The following PLXND1 variants were observed in gnomAD, a reference collection of about 807,000 sequenced individuals.
PLXND1 encodes plexin-D1.
PLXND1 carries 54 observed loss-of-function variants against 197.7 expected under a neutral mutation model. The ratio of observed to expected loss-of-function variants is 0.27; its 90% CI spans 0.22 to 0.34. The LOEUF is 0.34. PLXND1 is among the 10% of genes least tolerant of loss of function. The probability of loss-of-function intolerance (pLI) is 1.00; values close to 1 mark genes in which losing one functional copy is unlikely to be tolerated. For synonymous variants in PLXND1, 1,180 were observed against 1,161.2 expected, an observed-to-expected ratio of 1.02 and a Z score of -0.33; for missense variants, 2,127 against 2,699.2, an observed-to-expected ratio of 0.79 and a Z score of 4.70.
chr3:129,556,114 T>G lies in PLXND1; in HGVS notation c.*198A>C. 1.8e-6 allele frequency: 1 copy of G among 568,668 alleles called. No individual in the cohort carries two copies. Among genetic ancestry groups the G allele is most frequent in the Middle Eastern group, 4.7e-4 (1 of 2,116 alleles). The allele number at this position is 568,668 out of a possible 1,614,324, so 35.2% of individuals were successfully genotyped here. A position where few individuals can be genotyped will look rare whatever the true frequency, so the allele number is the denominator to read the frequency against. ...TCCCAGAGACTGATCTGGGGACAGG[T>G]GGGAGGGGATGGAGGTGCCCAGGGG... On this transcript the variant is annotated 3_prime_UTR_variant, in exon 36 of 36. Transcript: ENST00000324093.
In PLXND1 at chr3:129,567,775, C is replaced by A; in HGVS notation, c.3896G>T (p.Arg1299Leu). ...CGTCTTCTGCCAGTAACGCTCAGCA[C>A]GTCGGCTCTTGGTACAGAAGACGAA... Reference protein sequence around the residue: ...ALFVFCTKSRRAERYWQKTLL... With the variant: ...ALFVFCTKSRLAERYWQKTLL... Residue 1299 changes from arginine (R) to leucine (L), a missense_variant, in exon 21 of 36, where the codon CGT (arginine) becomes CTT (leucine). By Grantham distance (102) the Arg-to-Leu change is moderately radical. This residue lies in a region of PLXND1 where 532 missense variants were observed against 811.0 expected (regional missense o/e 0.66). Coordinates refer to ENST00000324093, the MANE Select transcript of PLXND1 (RefSeq NM_015103.3). 1.2e-6 allele frequency: 2 copies of A among 1,613,248 alleles called. No homozygotes were observed. The highest frequency in any genetic ancestry group is 1.3e-5 in the African/African-American group (1 of 75,022).
intron 1 of PLXND1, among the ~76,000 whole-genome samples, chr3:129,590,604 A>G (rs1253027403): frequency 6.6e-6 from 1 of 152,194 alleles, no homozygotes; most frequent in Admixed American, 6.5e-5. Context: ...AAGTCACAGG[A>G]TGTCATGGGC....
intron 29 of PLXND1, chr3:129,561,187 C>T (rs2085053997): frequency 2.2e-6 from 1 of 461,550 alleles, no homozygotes; most frequent in Admixed American, 2.4e-5. Context: ...AGCCCAGATT[C>T]CCAGGCTGCT....
In PLXND1 at chr3:129,566,030, C is replaced by T. The variant is rs2085135035; in HGVS notation, c.4192-13G>A. ...AGCTCTCAGGAATCTGTGGAAGCAACTGGTGATGGGGTGTCCAGAGGGGCC... is the reference window on the plus strand; with the variant it reads ...AGCTCTCAGGAATCTGTGGAAGCAATTGGTGATGGGGTGTCCAGAGGGGCC... On this transcript the variant is annotated splice_polypyrimidine_tract_variant and intron_variant, in intron 23 of 35. Transcript: ENST00000324093. 1.2e-6 allele frequency: 2 copies of T among 1,613,916 alleles called. No homozygotes were observed. Among genetic ancestry groups the T allele is most frequent in the Non-Finnish European group, 8.5e-7 (1 of 1,179,942 alleles).
intron 12 of PLXND1, 134 bp from the exon 13 acceptor site, chr3:129,573,879 G>A: frequency 1.0e-6 from 1 of 993,960 alleles, no homozygotes; most frequent in Non-Finnish European, 1.5e-6. Context: ...GGAGGCTCAG[G>A]TGGGGCTGGG....
chr3:129,561,568 G>A (rs1333554240), intron 29 of PLXND1, 78 bp downstream of exon 29: 2 of 1,135,148 alleles, frequency 1.8e-6, no homozygotes, highest in Non-Finnish European at 2.6e-6. Context: ...CGGAGCCTCA[G>A]CTTCCCCACT....
chr3:129,557,437 C>G lies in PLXND1; in HGVS notation c.5446-214G>C, dbSNP rs1427547747. Among the ~76,000 whole-genome samples the G allele has an allele frequency of 6.6e-6, 1 of 152,018 alleles. No homozygotes were observed. The highest frequency in any genetic ancestry group is 1.5e-5 in the Non-Finnish European group (1 of 68,038). ...GCTCTGTCTGCCCCGCCTACTTTCC[C>G]CAGGACTGTTAGGACAATGATGTGG... On this transcript the variant is annotated intron_variant, in intron 33 of 35. Transcript: ENST00000324093. The surrounding 1 kb of genome is among the most constrained non-coding windows in gnomAD (Gnocchi z 4.8).
Position 129,578,358 on chromosome 3 carries a change from C to A in PLXND1, c.2317G>T (p.Val773Leu), listed in dbSNP as rs909641134. Residue 773 changes from valine (V) to leucine (L), a missense_variant, in exon 9 of 36, where the codon GTG becomes TTG. Physicochemically the swap from Val to Leu is conservative, Grantham distance 32. Coordinates refer to ENST00000324093, the MANE Select transcript of PLXND1 (RefSeq NM_015103.3). Reference sequence around the variant, plus strand: ...AAAAAGGCAGTGTTGGCCAGAGGCACCAGGATGTTCTGGGAGCCACCCGTA... The same window carrying A: ...AAAAAGGCAGTGTTGGCCAGAGGCAACAGGATGTTCTGGGAGCCACCCGTA... ...VPTGGSQNIL[V>L]PLANTAFFQG... 6.2e-7 allele frequency: 1 copy of A among 1,606,622 alleles called. No individual in the cohort carries two copies. The highest frequency in any genetic ancestry group is 1.7e-5 in the Admixed American group (1 of 58,828).
intron 1 of PLXND1, among the ~76,000 whole-genome samples, chr3:129,602,321 C>T (rs926296644): frequency 6.6e-6 from 1 of 152,152 alleles, no homozygotes; most frequent in African/African-American, 2.4e-5. Context: ...TCCCACTCTA[C>T]TCGCCTGGCC....
intron 23 of PLXND1, 139 bp downstream of exon 23, chr3:129,566,388 G>T (rs1038094070): frequency 8.9e-6 from 6 of 671,568 alleles, no homozygotes; most frequent in Non-Finnish European, 1.4e-5. Context: ...GGGATGGAGG[G>T]CTCAGTACCT....
chr3:129,561,103 G>A (rs1380675227), intron 29 of PLXND1: 8 of 474,382 alleles, frequency 1.7e-5, no homozygotes, highest in African/African-American at 5.9e-5. Context: ...ATGCAGCCAC[G>A]GGGGAGGAGG....
intron 8 of PLXND1, among the ~76,000 whole-genome samples, chr3:129,579,299 G>A (rs1389964250): frequency 1.3e-5 from 2 of 152,290 alleles, no homozygotes; most frequent in East Asian, 3.9e-4. Context: ...TCTTGACTCT[G>A]GGGTCCTCCG....
intron 3 of PLXND1, 130 bp downstream of exon 3, chr3:129,586,458 G>T: frequency 8.3e-7 from 1 of 1,201,466 alleles, no homozygotes; most frequent in Non-Finnish European, 1.2e-6. Context: ...GCAGGACAAG[G>T]TGGAGTTAGC....
At chr3:129,563,369 A>C in intron 25 of PLXND1, 129 bp from the exon 26 acceptor site, 1 of 700,224 alleles carries the variant, frequency 1.4e-6, no homozygotes, top group South Asian at 2.0e-5. Flanking sequence ...TGGTGTCAAC[A>C]CTCTCCTCTC....
chr3:129,598,814 A>C (rs2085664974), intron 1 of PLXND1, among the ~76,000 whole-genome samples: 1 of 152,106 alleles, frequency 6.6e-6, no homozygotes, highest in African/African-American at 2.4e-5. Context: ...GGAGCACCAC[A>C]GTCACACACC....
intron 1 of PLXND1, among the ~76,000 whole-genome samples, chr3:129,592,742 G>C (rs779705819): frequency 3.3e-5 from 5 of 152,110 alleles, no homozygotes; most frequent in Non-Finnish European, 5.9e-5. Flanking sequence ...TTTTTTTAAA[G>C]AAGTAAGCCG....
rs1342739415 is a variant in PLXND1, at chr3:129,577,344, A to G, written c.2346+985T>C. Reference sequence around the variant, plus strand: ...CAGCTGGGAAGAATCGGCAGGACTCAAGTCAGGCTCACACCTCCCCATCCC... The same window carrying G: ...CAGCTGGGAAGAATCGGCAGGACTCGAGTCAGGCTCACACCTCCCCATCCC... On this transcript the variant is annotated intron_variant, in intron 9 of 35. Coordinates refer to ENST00000324093, the MANE Select transcript of PLXND1 (RefSeq NM_015103.3). The surrounding 1 kb of genome is among the most constrained non-coding windows in gnomAD (Gnocchi z 5.0). 1.3e-5 allele frequency among the ~76,000 whole-genome samples: 2 copies of G among 152,260 alleles called. No individual in the cohort carries two copies. The highest frequency in any genetic ancestry group is 3.9e-4 in the East Asian group (2 of 5,170).
chr3:129,583,504 T>C (rs376188473), intron 8 of PLXND1, 63 bp downstream of exon 8: 4 of 1,034,788 alleles, frequency 3.9e-6, no homozygotes, highest in Admixed American at 2.1e-5. Flanking sequence ...ATTCTCAACA[T>C]GTGAATTTTT....
chr3:129,578,330 T>C lies in PLXND1; in HGVS notation c.2345A>G (p.Gln782Arg). 4 of 1,593,880 alleles carry C rather than the reference T, an allele frequency of 2.5e-6. No individual in the cohort carries two copies. Among genetic ancestry groups the C allele is most frequent in the Non-Finnish European group, 3.4e-6 (4 of 1,169,008 alleles). Residue 782 changes from glutamine to arginine, a missense_variant and splice_region_variant, in exon 9 of 36, where the codon CAG becomes CGG. Physicochemically the swap from Gln to Arg is conservative, Grantham distance 43. Around this residue, in one of 6 missense-constraint regions of PLXND1, gnomAD observed 1,095 missense variants for 1,259.8 expected, o/e 0.87. Coordinates refer to ENST00000324093, the MANE Select transcript of PLXND1 (RefSeq NM_015103.3). ...GGCGCTGGCCTGGCTTCTACTTACC[T>C]GGAAAAAGGCAGTGTTGGCCAGAGG... Reference protein sequence around the residue: ...LVPLANTAFFQGAALECSFGL... With the variant: ...LVPLANTAFFRGAALECSFGL...
Sources: allele counts gnomAD v4.1 joint callset (sites outside exome capture counted in the v4.1 genomes callset), GRCh38; gene constraint gnomAD v4.1.1; regional missense constraint gnomAD v4.1.1; non-coding constraint Gnocchi (gnomAD v3.1); transcripts MANE v1.5; gene names NCBI Gene and HGNC (gene_info 2026-07-23, HGNC 2026-07-21).